Variants in BANP observed in about 807,000 individuals in gnomAD.
The protein encoded by BANP is BTG3 associated nuclear protein, also known as protein BANP.
In BANP, 11 loss-of-function variants were observed where a neutral mutation model predicts 68.1. The ratio of observed to expected loss-of-function variants is 0.16; its 90% confidence interval spans 0.10 to 0.27. The LOEUF (loss-of-function observed/expected upper bound fraction) is 0.27, where lower values mean the gene tolerates loss of function less well. Among genes scored for constraint, BANP ranks in the 10% least tolerant of loss-of-function variants. The pLI is 1.00. For missense variants in BANP, 504 were observed against 722.7 expected (o/e 0.70, Z 3.47); for synonymous variants, 329 against 303.2 (o/e 1.09, Z -0.88).
intron 13 of BANP, among the ~76,000 whole-genome samples, chr16:88,073,705 C>T (rs1018320233): frequency 9.9e-5 from 15 of 152,204 alleles, no homozygotes; most frequent in Non-Finnish European, 1.9e-4. Context: ...CAGATAGGAG[C>T]GCTGCAGGAG....
intron 11 of BANP, among the ~76,000 whole-genome samples, chr16:88,043,594 T>A (rs1279125602): frequency 1.3e-5 from 2 of 152,220 alleles, no homozygotes; most frequent in Non-Finnish European, 2.9e-5. Context: ...GGTGTTATTG[T>A]ATTGCCCATA....
intron 4 of BANP, among the ~76,000 whole-genome samples, chr16:87,985,067 A>G (rs1256087951): frequency 1.3e-5 from 2 of 152,134 alleles, no homozygotes; most frequent in Non-Finnish European, 2.9e-5. Context: ...ACGCCGAGGA[A>G]TGGGAGCCGC....
chr16:87,958,448 TTC>T (rs1307614585), intron 1 of BANP, among the ~76,000 whole-genome samples: 1 of 152,242 alleles, frequency 6.6e-6, no homozygotes, highest in African/African-American at 2.4e-5. Flanking sequence ...GAAACCACTC[TTC>T]TGTGATGTGT....
intron 2 of BANP, among the ~76,000 whole-genome samples, chr16:87,980,152 T>C (rs1451133532): frequency 2.0e-5 from 3 of 152,078 alleles, no homozygotes; most frequent in Non-Finnish European, 1.5e-5. Flanking sequence ...GGCAAGGAAA[T>C]GAGAAGAAAA....
chr16:87,965,031 G>A (rs1458782558), intron 1 of BANP, among the ~76,000 whole-genome samples: 2 of 152,196 alleles, frequency 1.3e-5, no homozygotes, highest in African/African-American at 2.4e-5. Context: ...CGCCATTGGC[G>A]TGGAGATGTA....
intron 1 of BANP, 61 bp downstream of exon 1, chr16:87,951,576 G>T (rs1298470060): frequency 6.6e-6 from 1 of 151,966 alleles, no homozygotes; most frequent in Admixed American, 6.6e-5. Context: ...GGGCGAGAGC[G>T]AGAGCGAGAT....
chr16:88,077,021 A>T lies in BANP; in HGVS notation c.*360A>T, dbSNP rs910996094. The T allele has an allele frequency of 6.4e-5, 15 of 232,852 alleles. No individual in the cohort carries two copies. The highest frequency in any genetic ancestry group is 3.5e-4 in the African/African-American group (15 of 43,050). The allele number at this position is 232,852 out of a possible 1,614,324, so 14.4% of individuals were successfully genotyped here. A position where few individuals can be genotyped will look rare whatever the true frequency, so the allele number is the denominator to read the frequency against. On this transcript the variant is annotated 3_prime_UTR_variant, in exon 14 of 14. Coordinates refer to ENST00000682872, the MANE Select transcript of BANP (RefSeq NM_001386991.1). ...CAAAAAAGAAAATTTGAAAAAAAAA[A>T]TCCCAGGGGAGTAGCAGGAGCCCTT...
intron 11 of BANP, among the ~76,000 whole-genome samples, chr16:88,056,955 T>C (rs2085206956): frequency 6.6e-6 from 1 of 152,200 alleles, no homozygotes; most frequent in Non-Finnish European, 1.5e-5. Flanking sequence ...CACCAGATCT[T>C]TAATCATGAA....
Position 88,065,348 on chromosome 16 carries a change from A to G in BANP, c.1377+16A>G, listed in dbSNP as rs1375495813. ...CAGTGGCCAGGTGAGTCCTTTGTACATCCCATCTCTCCCACCCTCTGTGGC... is the reference window on the plus strand; with the variant it reads ...CAGTGGCCAGGTGAGTCCTTTGTACGTCCCATCTCTCCCACCCTCTGTGGC... On this transcript the variant is annotated intron_variant, in intron 12 of 13. Transcript: ENST00000682872. The G allele has an allele frequency of 2.6e-6, 2 of 765,974 alleles. No individual in the cohort carries two copies. The highest frequency in any genetic ancestry group is 4.8e-6 in the Non-Finnish European group (2 of 415,418). The allele number at this position is 765,974 out of a possible 1,614,324, so 47.4% of individuals were successfully genotyped here.
intron 11 of BANP, among the ~76,000 whole-genome samples, chr16:88,052,668 A>G (rs1228379986): frequency 6.6e-6 from 1 of 151,586 alleles, no homozygotes; most frequent in East Asian, 1.9e-4. Context: ...CAACCACCCT[A>G]ACAACTGCTA....
At chr16:87,970,892 CTA>C (rs929462548) in intron 1 of BANP, among the ~76,000 whole-genome samples, 2 of 151,890 alleles carry the variant, frequency 1.3e-5, no homozygotes, top group African/African-American at 4.8e-5. Context: ...TGGTGGGCAC[CTA>C]TAATCACAGC....
At chr16:87,978,844 C>G (rs1598027865) in intron 2 of BANP, among the ~76,000 whole-genome samples, 1 of 152,248 alleles carries the variant, frequency 6.6e-6, no homozygotes. Flanking sequence ...CATCACACAG[C>G]AAGCGTCAGG....
Position 88,076,687 on chromosome 16 carries a change from C to G in BANP, c.*26C>G, listed in dbSNP as rs773889321. ...GCGGTGCCCATGGCACCAGGAGCCC[C>G]TCGCCGGCTCCGCCTACGGCCCGGC... On this transcript the variant is annotated 3_prime_UTR_variant, in exon 14 of 14. Transcript: ENST00000682872. The G allele has an allele frequency of 1.9e-6, 3 of 1,592,816 alleles. No individual in the cohort carries two copies. The highest frequency in any genetic ancestry group is 1.1e-5 in the South Asian group (1 of 90,288).
At chr16:87,961,406 T>TTCCCC (rs2059101983) in intron 1 of BANP, among the ~76,000 whole-genome samples, 3 of 112,156 alleles carry the variant, frequency 2.7e-5, no homozygotes, top group African/African-American at 6.2e-5. Context: ...TCACAGAATC[T>TTCCCC]GCACCCCCCC....
chr16:88,029,796 A>G (rs568898831), intron 8 of BANP, among the ~76,000 whole-genome samples: 1 of 152,352 alleles, frequency 6.6e-6, no homozygotes, highest in South Asian at 2.1e-4. Context: ...AGGAGGGGAC[A>G]GGGAGATACC....
chr16:87,963,086 T>C (rs2059464918), intron 1 of BANP, among the ~76,000 whole-genome samples: 2 of 152,174 alleles, frequency 1.3e-5, no homozygotes, highest in Admixed American at 6.5e-5. Flanking sequence ...GGAGTTCCTG[T>C]CCTAATTTTT....
Position 88,071,444 on chromosome 16 carries a change from C to G in BANP, c.1378-625C>G, listed in dbSNP as rs1290046112. On this transcript the variant is annotated intron_variant, in intron 12 of 13. Transcript: ENST00000682872. This position sits in a 1 kb window ranked among gnomAD's most constrained non-coding sequence, Gnocchi z 6.5. ...GCCTCGCCTGTCCCCCATTCTCATT[C>G]CATACTCTGGGAGGCGGTACAAGGT... 2.2e-6 allele frequency: 1 copy of G among 456,176 alleles called. No homozygotes were observed. Among genetic ancestry groups the G allele is most frequent in the South Asian group, 1.5e-5 (1 of 64,544 alleles). The allele number at this position is 456,176 out of a possible 1,614,324, so 28.3% of individuals were successfully genotyped here.
chr16:87,997,925 T>G (rs2067741048), intron 4 of BANP, among the ~76,000 whole-genome samples: 1 of 152,184 alleles, frequency 6.6e-6, no homozygotes, highest in Non-Finnish European at 1.5e-5. Flanking sequence ...CACCTTTAGT[T>G]TAGCACTTCC....
At chr16:87,990,354 A>T (rs1347612609) in intron 4 of BANP, among the ~76,000 whole-genome samples, 1 of 152,210 alleles carries the variant, frequency 6.6e-6, no homozygotes, top group Non-Finnish European at 1.5e-5. Context: ...GAGATGTGTC[A>T]TGTAAGACTC....
Sources: allele counts gnomAD v4.1 joint callset (sites outside exome capture counted in the v4.1 genomes callset), GRCh38; gene constraint gnomAD v4.1.1; non-coding constraint Gnocchi (gnomAD v3.1); transcripts MANE v1.5; gene names NCBI Gene and HGNC (gene_info 2026-07-23, HGNC 2026-07-21).